The following CMIP variants were observed in gnomAD, a reference collection of about 807,000 sequenced individuals.
CMIP encodes the protein C-Maf-inducing protein.
In CMIP, 13 loss-of-function variants were observed where a neutral mutation model predicts 97.3. The observed-to-expected ratio is 0.13, with a 90% CI of 0.09 to 0.21. CMIP has a LOEUF of 0.21. Ranked by LOEUF, CMIP falls within the 10% of genes least tolerant of loss-of-function variation. CMIP has a pLI of 1.00. For synonymous variants in CMIP, 538 were observed against 436.3 expected (o/e 1.23, Z -2.91); for missense variants, 847 against 1,024.9 (o/e 0.83, Z 2.37).
intron 1 of CMIP, among the ~76,000 whole-genome samples, chr16:81,525,343 A>G (rs1009733306): frequency 1.1e-4 from 16 of 151,594 alleles, no homozygotes; most frequent in Non-Finnish European, 2.2e-4. Flanking sequence ...GGGTTTCACC[A>G]TGTTGGCCAG....
In CMIP at chr16:81,614,866, A is replaced by C. The variant is rs1252564587; in HGVS notation, c.427-6010A>C. On this transcript the variant is annotated intron_variant, in intron 2 of 20. Coordinates refer to ENST00000537098, the MANE Select transcript of CMIP (RefSeq NM_198390.3). This position sits in a 1 kb window ranked among gnomAD's most constrained non-coding sequence, Gnocchi z 5.3. ...TATGCACATGTATCTCTGTGTGTGC[A>C]TGTGTGTGTGGTATGTGCATGTGTG... Among the ~76,000 whole-genome samples the C allele has an allele frequency of 6.7e-6, 1 of 148,212 alleles. No homozygotes were observed. The highest frequency in any genetic ancestry group is 2.5e-5 in the African/African-American group (1 of 39,862).
chr16:81,487,542 A>C (rs1056219437), intron 1 of CMIP, among the ~76,000 whole-genome samples: 1 of 152,194 alleles, frequency 6.6e-6, no homozygotes, highest in Admixed American at 6.5e-5. Flanking sequence ...TCCAGGCAGC[A>C]ACTCCTCTCC....
intron 3 of CMIP, among the ~76,000 whole-genome samples, chr16:81,634,615 C>T (rs951823955): frequency 2.0e-5 from 3 of 152,182 alleles, no homozygotes; most frequent in African/African-American, 7.2e-5. Context: ...TGAGGAGCCG[C>T]CTCCCCAGGG....
intron 1 of CMIP, among the ~76,000 whole-genome samples, chr16:81,490,623 C>G (rs1291754289): frequency 6.6e-6 from 1 of 152,086 alleles, no homozygotes; most frequent in Non-Finnish European, 1.5e-5. Flanking sequence ...GTCTCAAAAA[C>G]GAAAAACCAA....
At chr16:81,510,029 A>G (rs925832790) in intron 1 of CMIP, among the ~76,000 whole-genome samples, 1 of 152,220 alleles carries the variant, frequency 6.6e-6, no homozygotes, top group African/African-American at 2.4e-5. Flanking sequence ...ATCAATTTCC[A>G]TCAGGATTTT....
chr16:81,500,557 C>G (rs2089590314), intron 1 of CMIP, among the ~76,000 whole-genome samples: 1 of 149,530 alleles, frequency 6.7e-6, no homozygotes, highest in African/African-American at 2.5e-5. Context: ...GGTGCGATCT[C>G]CGCTCACTGC....
chr16:81,610,449 G>A (rs1278219721), intron 2 of CMIP: 8 of 985,938 alleles, frequency 8.1e-6, no homozygotes, highest in African/African-American at 1.7e-5. Context: ...AGGAGGAGGC[G>A]GCTTGCAACT....
intron 3 of CMIP, among the ~76,000 whole-genome samples, chr16:81,629,005 T>A (rs1451843734): frequency 6.6e-6 from 1 of 151,426 alleles, no homozygotes; most frequent in Non-Finnish European, 1.5e-5. Context: ...GCGTGGTGGC[T>A]CAGGCCTATA....
At chr16:81,448,554 G>A (rs1906009875) in intron 1 of CMIP, among the ~76,000 whole-genome samples, 1 of 152,198 alleles carries the variant, frequency 6.6e-6, no homozygotes, top group African/African-American at 2.4e-5. Flanking sequence ...TCACCCGCCT[G>A]GCCTGCCTGT....
At chr16:81,537,405 C>T (rs1336369014) in intron 1 of CMIP, among the ~76,000 whole-genome samples, 3 of 151,656 alleles carry the variant, frequency 2.0e-5, no homozygotes, top group African/African-American at 4.8e-5. Flanking sequence ...CATGGTGGCA[C>T]GCACCTGTAG....
At chr16:81,577,100 C>T (rs897171366) in intron 1 of CMIP, among the ~76,000 whole-genome samples, 1 of 144,822 alleles carries the variant, frequency 6.9e-6, no homozygotes, top group Non-Finnish European at 1.5e-5. Flanking sequence ...ACATTATTAT[C>T]ACTATCACCA....
At chr16:81,628,036 C>G (rs905801772) in intron 3 of CMIP, among the ~76,000 whole-genome samples, 3 of 152,116 alleles carry the variant, frequency 2.0e-5, no homozygotes, top group Admixed American at 6.5e-5. Flanking sequence ...GCCCAGGGGA[C>G]CAGGTCAGAA....
intron 1 of CMIP, among the ~76,000 whole-genome samples, chr16:81,471,381 T>C (rs868449549): frequency 1.3e-5 from 2 of 151,928 alleles, no homozygotes; most frequent in Middle Eastern, 3.4e-3. Context: ...TGTATACATG[T>C]GCATATGCAT....
chr16:81,664,219 G>A, intron 6 of CMIP, 50 bp from the exon 7 acceptor site: 1 of 1,540,334 alleles, frequency 6.5e-7, no homozygotes, highest in Non-Finnish European at 8.8e-7. Flanking sequence ...CACGGGCTGT[G>A]TTCAGAACAT....
chr16:81,576,410 C>T (rs994708117), intron 1 of CMIP, among the ~76,000 whole-genome samples: 11 of 151,730 alleles, frequency 7.2e-5, no homozygotes, highest in South Asian at 2.1e-4. Flanking sequence ...TCTCAAAAAA[C>T]GGGGAAAAAC....
intron 1 of CMIP, among the ~76,000 whole-genome samples, chr16:81,515,940 C>G (rs2089904270): frequency 6.6e-6 from 1 of 152,220 alleles, no homozygotes; most frequent in African/African-American, 2.4e-5. Context: ...GGCTCCAGCT[C>G]CCACTGGACG....
intron 1 of CMIP, among the ~76,000 whole-genome samples, chr16:81,469,884 G>A (rs1907419647): frequency 1.3e-5 from 2 of 152,330 alleles, no homozygotes; most frequent in South Asian, 4.1e-4. Flanking sequence ...ATGGGATGGG[G>A]AGGGATGAGG....
At chr16:81,562,938 C>T (rs1004977183) in intron 1 of CMIP, among the ~76,000 whole-genome samples, 1 of 152,196 alleles carries the variant, frequency 6.6e-6, no homozygotes, top group South Asian at 2.1e-4. Context: ...GCCGCGTCCT[C>T]GAGCTGAGTA....
intron 1 of CMIP, among the ~76,000 whole-genome samples, chr16:81,495,947 G>C (rs905927903): frequency 2.2e-4 from 34 of 152,194 alleles, no homozygotes; most frequent in African/African-American, 8.0e-4. Flanking sequence ...AGCTCCCCCA[G>C]CTCCGAGACT....
Sources: allele counts gnomAD v4.1 joint callset (sites outside exome capture counted in the v4.1 genomes callset), GRCh38; gene constraint gnomAD v4.1.1; non-coding constraint Gnocchi (gnomAD v3.1); transcripts MANE v1.5; gene names NCBI Gene and HGNC (gene_info 2026-07-23, HGNC 2026-07-21).